Variants in ROBO2 observed in about 807,000 individuals in gnomAD.
ROBO2 encodes the protein roundabout homolog 2.
ROBO2 carries 53 observed loss-of-function variants against 160.8 expected under a neutral mutation model. The observed-to-expected ratio is 0.33, with a 90% CI of 0.26 to 0.41. The LOEUF is 0.41. Among genes scored for constraint, ROBO2 ranks in the 10% least tolerant of loss-of-function variants. The pLI, the probability that ROBO2 is intolerant of heterozygous loss-of-function variation, is 1.00. For synonymous variants in ROBO2, 664 were observed against 611.7 expected, an observed-to-expected ratio of 1.09 and a Z score of -1.26; for missense variants, 1,577 against 1,722.4, an observed-to-expected ratio of 0.92 and a Z score of 1.49.
At chr3:77,046,141 CT>C (rs1477332288) in intron 1 of ROBO2, among the ~76,000 whole-genome samples, 1 of 152,138 alleles carries the variant, frequency 6.6e-6, no homozygotes, top group Non-Finnish European at 1.5e-5. Flanking sequence ...TATGTTTAGT[CT>C]GTGTTTCACA....
intron 2 of ROBO2, among the ~76,000 whole-genome samples, chr3:76,110,020 G>A (rs2070146964): frequency 6.7e-6 from 1 of 150,038 alleles, no homozygotes; most frequent in Non-Finnish European, 1.5e-5. Flanking sequence ...AAGTAGTATT[G>A]TTATATATAT....
At chr3:77,408,258 A>C (rs2153518603) in intron 2 of ROBO2, among the ~76,000 whole-genome samples, 1 of 152,308 alleles carries the variant, frequency 6.6e-6, no homozygotes, top group South Asian at 2.1e-4. Flanking sequence ...AAATATTTTT[A>C]ATTCCACACT....
chr3:77,370,539 G>T (rs991652542), intron 2 of ROBO2, among the ~76,000 whole-genome samples: 1 of 152,170 alleles, frequency 6.6e-6, no homozygotes, highest in African/African-American at 2.4e-5. Context: ...AGTGTATTGG[G>T]TTATCCAGTG....
intron 2 of ROBO2, among the ~76,000 whole-genome samples, chr3:77,141,291 C>A (rs538878591): frequency 1.3e-5 from 2 of 151,854 alleles, no homozygotes; most frequent in Non-Finnish European, 2.9e-5. Context: ...AAGCCCCCCC[C>A]CCTTGTAATA....
In ROBO2 at chr3:76,621,833, A is replaced by G. The variant is rs144677244; in HGVS notation, c.110-476181A>G. On this transcript the variant is annotated intron_variant, in intron 2 of 26. Coordinates refer to the ROBO2 transcript ENST00000487694. ...ACAAATACAGACTCCACAGTATGGCAGTAATGCATAATAAAATGCCAAACA... is the reference window on the plus strand; with the variant it reads ...ACAAATACAGACTCCACAGTATGGCGGTAATGCATAATAAAATGCCAAACA... Among the ~76,000 whole-genome samples the G allele has an allele frequency of 2.9e-3, 436 of 152,306 alleles. 2 individuals are homozygous for G. The highest frequency in any genetic ancestry group is 0.01 in the African/African-American group (427 of 41,558).
chr3:76,161,228 G>C (rs1559602730), intron 2 of ROBO2, among the ~76,000 whole-genome samples: 1 of 151,686 alleles, frequency 6.6e-6, no homozygotes, highest in African/African-American at 2.4e-5. Context: ...AAGTCAAATA[G>C]CAAATTTAGT....
intron 2 of ROBO2, among the ~76,000 whole-genome samples, chr3:76,387,868 T>G (rs1188817679): frequency 6.6e-6 from 1 of 152,212 alleles, no homozygotes; most frequent in African/African-American, 2.4e-5. Flanking sequence ...GGTTGTTGCA[T>G]TTCTTCCAAT....
At position 76,286,732 on chromosome 3, in the gene ROBO2, T is replaced by C. The variant is rs142008732; in HGVS notation, c.109+349130T>C. Among the ~76,000 whole-genome samples the C allele has an allele frequency of 1.5e-3, 233 of 152,290 alleles. 1 individual carries two copies. Among genetic ancestry groups the C allele is most frequent in the African/African-American group, 5.3e-3 (220 of 41,564 alleles). On this transcript the variant is annotated intron_variant, in intron 2 of 26. Coordinates refer to the ROBO2 transcript ENST00000487694. ...TGTAAAAATATAATTTAGGAATAAATTCCAGGTTTCTGCTTTGTGTGGGTG... is the reference window on the plus strand; with the variant it reads ...TGTAAAAATATAATTTAGGAATAAACTCCAGGTTTCTGCTTTGTGTGGGTG...
rs185827240 is a variant in ROBO2 at position 76,315,261 on chromosome 3, G to A, written c.109+377659G>A. Among the ~76,000 whole-genome samples, 9 of 152,242 alleles carry A rather than the reference G, an allele frequency of 5.9e-5. 1 individual carries two copies. Among genetic ancestry groups the A allele is most frequent in the East Asian group, 3.9e-4 (2 of 5,174 alleles). On this transcript the variant is annotated intron_variant, in intron 2 of 26. Coordinates refer to the ROBO2 transcript ENST00000487694. ...ACATGAGAGTTAAACTATTGGCAACGAAGTATGAAGTGATCAAAACTTTTA... is the reference window on the plus strand; with the variant it reads ...ACATGAGAGTTAAACTATTGGCAACAAAGTATGAAGTGATCAAAACTTTTA...
intron 2 of ROBO2, among the ~76,000 whole-genome samples, chr3:76,929,241 T>C (rs1664625838): frequency 2.0e-5 from 3 of 152,078 alleles, no homozygotes; most frequent in Admixed American, 2.0e-4. Flanking sequence ...GGCTGCATGA[T>C]GGAGCGAGAC....
At chr3:76,339,203 A>T (rs975835156) in intron 2 of ROBO2, among the ~76,000 whole-genome samples, 1 of 152,080 alleles carries the variant, frequency 6.6e-6, no homozygotes, top group African/African-American at 2.4e-5. Flanking sequence ...TATTTTCAAA[A>T]TATTGTATTT....
intron 2 of ROBO2, among the ~76,000 whole-genome samples, chr3:76,294,308 A>G (rs760436379): frequency 7.9e-5 from 12 of 152,002 alleles, no homozygotes; most frequent in Non-Finnish European, 1.6e-4. Context: ...CCAACTCAGA[A>G]GGGAAAGAGC....
At chr3:76,639,570 T>A (rs2090540024) in intron 2 of ROBO2, among the ~76,000 whole-genome samples, 1 of 152,088 alleles carries the variant, frequency 6.6e-6, no homozygotes, top group African/African-American at 2.4e-5. Flanking sequence ...TCACAAAATG[T>A]CTATACCATC....
chr3:77,259,164 A>C (rs1270754774), intron 2 of ROBO2, among the ~76,000 whole-genome samples: 1 of 152,204 alleles, frequency 6.6e-6, no homozygotes, highest in Admixed American at 6.5e-5. Context: ...TTCTGCTATT[A>C]AGATTAGTAT....
chr3:76,873,977 A>C (rs2072425602), intron 2 of ROBO2, among the ~76,000 whole-genome samples: 1 of 152,116 alleles, frequency 6.6e-6, no homozygotes, highest in African/African-American at 2.4e-5. Flanking sequence ...GCCAAGATAA[A>C]TAGAATGGAG....
intron 2 of ROBO2, among the ~76,000 whole-genome samples, chr3:76,383,723 A>AAAAAAAC (rs1383780033): frequency 6.6e-6 from 1 of 152,226 alleles, no homozygotes; most frequent in African/African-American, 2.4e-5. Context: ...TCATAATGAA[A>AAAAAAAC]AAAAAACAAA....
At chr3:76,775,323 C>A (rs2108543320) in intron 2 of ROBO2, among the ~76,000 whole-genome samples, 1 of 150,760 alleles carries the variant, frequency 6.6e-6, no homozygotes, top group Non-Finnish European at 1.5e-5. Context: ...GATTTCAAAA[C>A]TCTTCAAAAG....
At chr3:76,030,836 T>G (rs1429163628) in intron 2 of ROBO2, among the ~76,000 whole-genome samples, 1 of 152,140 alleles carries the variant, frequency 6.6e-6, no homozygotes, top group Non-Finnish European at 1.5e-5. Context: ...CTTAGGATTG[T>G]CTTGGCAATA....
chr3:77,108,183 C>CAT (rs536132948), intron 2 of ROBO2, among the ~76,000 whole-genome samples: 10 of 142,702 alleles, frequency 7.0e-5, no homozygotes, highest in African/African-American at 5.5e-5. Flanking sequence ...TACACATATG[C>CAT]ATATATATGT....
Sources: allele counts gnomAD v4.1 joint callset (sites outside exome capture counted in the v4.1 genomes callset), GRCh38; gene constraint gnomAD v4.1.1; transcripts MANE v1.5; gene names NCBI Gene and HGNC (gene_info 2026-07-23, HGNC 2026-07-21).